Variants in FAM83B observed in about 807,000 individuals in gnomAD.
FAM83B encodes the protein protein FAM83B.
In FAM83B, 26 loss-of-function variants were observed where a neutral mutation model predicts 38.8. The observed-to-expected ratio is 0.67, with a 90% CI of 0.49 to 0.93. The LOEUF (loss-of-function observed/expected upper bound fraction) is 0.93, where lower values mean the gene tolerates loss of function less well. Among genes scored for constraint, FAM83B ranks in the 40% least tolerant of loss-of-function variants. The pLI is 0.00. For missense variants in FAM83B, 1,237 were observed against 1,197.3 expected, an observed-to-expected ratio of 1.03 and a Z score of -0.49; for synonymous variants, 419 against 423.1, an observed-to-expected ratio of 0.99 and a Z score of 0.12.
rs541296525 is a variant in FAM83B, at chr6:54,859,361, C to T, written c.-60-10826C>T. On this transcript the variant is annotated intron_variant, in intron 1 of 4. Transcript: ENST00000306858. ...CAGCATGAGCCACTGCACCCGGCCA[C>T]GGGTATTATGATTTTTTTTAATTTA... is the stretch of plus-strand genomic sequence containing the variant. Among the ~76,000 whole-genome samples, 5 of 152,080 alleles carry T rather than the reference C, an allele frequency of 3.3e-5. No homozygotes were observed. In the East Asian group the frequency reaches 5.8e-4, roughly 18 times the overall value.
intron 2 of FAM83B, among the ~76,000 whole-genome samples, chr6:54,887,979 TC>T (rs892605693): frequency 4.6e-4 from 69 of 151,396 alleles, no homozygotes; most frequent in Admixed American, 1.6e-3. Flanking sequence ...ATTACTGATT[TC>T]TTTTACTCAC....
chr6:54,884,619 A>C (rs1402061171), intron 2 of FAM83B, among the ~76,000 whole-genome samples: 4 of 152,054 alleles, frequency 2.6e-5, no homozygotes, highest in Non-Finnish European at 5.9e-5. Flanking sequence ...ATGAATATGC[A>C]GTTACTGCTG....
At chr6:54,881,297 C>A (rs1348752926) in intron 2 of FAM83B, among the ~76,000 whole-genome samples, 1 of 152,182 alleles carries the variant, frequency 6.6e-6, no homozygotes, top group African/African-American at 2.4e-5. Context: ...TGGTGAGAGT[C>A]TCATGGTAAT....
intron 1 of FAM83B, among the ~76,000 whole-genome samples, chr6:54,848,632 G>A (rs987342505): frequency 1.9e-4 from 29 of 152,274 alleles, no homozygotes; most frequent in African/African-American, 6.0e-4. Context: ...GGTTAAGGTG[G>A]AGGTTCATTC....
intron 2 of FAM83B, among the ~76,000 whole-genome samples, chr6:54,885,899 A>G (rs1239490768): frequency 6.6e-6 from 1 of 152,024 alleles, no homozygotes; most frequent in Non-Finnish European, 1.5e-5. Context: ...GCACACCAGC[A>G]TGGCACATGT....
intron 2 of FAM83B, among the ~76,000 whole-genome samples, chr6:54,889,455 A>G (rs1156425207): frequency 6.6e-6 from 1 of 152,062 alleles, no homozygotes; most frequent in Admixed American, 6.6e-5. Flanking sequence ...ACCGCAGAGT[A>G]TTGGTTCCAG....
rs572435034 is a variant in FAM83B at position 54,879,165 on chromosome 6, C to T, written c.444+8475C>T. ...GATCCGTAACCCCAGTCACTGACAT[C>T]TGGCAACACACATGTCTAAGTATCT... On this transcript the variant is annotated intron_variant, in intron 2 of 4. Coordinates refer to ENST00000306858, the MANE Select transcript of FAM83B (RefSeq NM_001010872.3). Among the ~76,000 whole-genome samples the T allele has an allele frequency of 4.6e-5, 7 of 152,284 alleles. No individual in the cohort carries two copies. The East Asian group carries it at 1.4e-3, about 29-fold the overall frequency.
chr6:54,937,292 G>T (rs964539233), intron 4 of FAM83B, among the ~76,000 whole-genome samples: 1 of 151,830 alleles, frequency 6.6e-6, no homozygotes. Flanking sequence ...AATTTTAAAG[G>T]TAGCTGTTAC....
chr6:54,849,758 C>A (rs996327415), intron 1 of FAM83B, among the ~76,000 whole-genome samples: 1 of 119,600 alleles, frequency 8.4e-6, no homozygotes, highest in African/African-American at 3.4e-5. Context: ...GGTGAGAAGT[C>A]CCCTAAGGGC....
intron 2 of FAM83B, among the ~76,000 whole-genome samples, chr6:54,919,891 T>C (rs966913721): frequency 6.6e-6 from 1 of 152,042 alleles, no homozygotes; most frequent in African/African-American, 2.4e-5. Context: ...CATTTGTTTA[T>C]TATATTTAGA....
At chr6:54,859,047 G>A (rs1021836) in intron 1 of FAM83B, among the ~76,000 whole-genome samples, 49 of 151,318 alleles carry the variant, frequency 3.2e-4, no homozygotes, top group African/African-American at 1.1e-3. Context: ...TTCCTCCCCC[G>A]ACACCGTGCC....
intron 2 of FAM83B, among the ~76,000 whole-genome samples, chr6:54,901,475 A>G (rs1397724066): frequency 1.3e-5 from 2 of 152,234 alleles, no homozygotes; most frequent in Non-Finnish European, 2.9e-5. Flanking sequence ...ATGAGATAAT[A>G]TATAACACAT....
At chr6:54,916,283 A>G (rs1358822373) in intron 2 of FAM83B, among the ~76,000 whole-genome samples, 1 of 152,018 alleles carries the variant, frequency 6.6e-6, no homozygotes, top group Admixed American at 6.6e-5. Context: ...ACACCCTTTT[A>G]TATCACTAAA....
chr6:54,892,828 T>A (rs12110871), intron 2 of FAM83B, among the ~76,000 whole-genome samples: 1,935 of 152,196 alleles, frequency 0.013, 41 homozygotes, highest in African/African-American at 0.043. Flanking sequence ...ATTGTCTCCC[T>A]CTTAAGTGCG....
At chr6:54,867,274 T>G (rs145818322) in intron 1 of FAM83B, among the ~76,000 whole-genome samples, 3 of 151,976 alleles carry the variant, frequency 2.0e-5, no homozygotes, top group Non-Finnish European at 4.4e-5. Flanking sequence ...GAGTGCTTTA[T>G]TAAGTCTATA....
chr6:54,920,064 A>T (rs1581922037), intron 2 of FAM83B, among the ~76,000 whole-genome samples: 1 of 151,988 alleles, frequency 6.6e-6, no homozygotes, highest in Non-Finnish European at 1.5e-5. Flanking sequence ...ACTAAGCAAT[A>T]CTATAGTGCA....
intron 4 of FAM83B, among the ~76,000 whole-genome samples, chr6:54,928,678 T>G (rs1289365083): frequency 6.6e-6 from 1 of 152,170 alleles, no homozygotes; most frequent in Non-Finnish European, 1.5e-5. Flanking sequence ...TGTGAATATA[T>G]TTGTCCAGAC....
At chr6:54,881,484 A>C (rs945413998) in intron 2 of FAM83B, among the ~76,000 whole-genome samples, 3 of 152,232 alleles carry the variant, frequency 2.0e-5, no homozygotes, top group Non-Finnish European at 4.4e-5. Context: ...CAGGCAATAA[A>C]TAAACATGAA....
intron 2 of FAM83B, among the ~76,000 whole-genome samples, chr6:54,902,754 C>T (rs1475707312): frequency 6.6e-6 from 1 of 152,144 alleles, no homozygotes; most frequent in Non-Finnish European, 1.5e-5. Flanking sequence ...TAACCTGTAA[C>T]TCAGTCAGGC....
Sources: allele counts gnomAD v4.1 joint callset (sites outside exome capture counted in the v4.1 genomes callset), GRCh38; gene constraint gnomAD v4.1.1; transcripts MANE v1.5; gene names NCBI Gene and HGNC (gene_info 2026-07-23, HGNC 2026-07-21).